The following KHDRBS2 variants were observed in gnomAD, a reference collection of about 807,000 sequenced individuals.
The protein encoded by KHDRBS2 is KH domain-containing, RNA-binding, signal transduction-associated protein 2.
Under a neutral mutation model 44.3 loss-of-function variants are expected in KHDRBS2, and 26 were observed. The ratio of observed to expected loss-of-function variants is 0.59; its 90% CI spans 0.43 to 0.81. The LOEUF is 0.81. KHDRBS2 is among the 40% of genes least tolerant of loss of function. The pLI is 0.00. For missense variants in KHDRBS2, 476 were observed against 433.1 expected, an observed-to-expected ratio of 1.10 and a Z score of -0.88; for synonymous variants, 194 against 151.1, an observed-to-expected ratio of 1.28 and a Z score of -2.08.
At chr6:61,881,777 G>A (rs1188602795) in intron 6 of KHDRBS2, among the ~76,000 whole-genome samples, 1 of 151,986 alleles carries the variant, frequency 6.6e-6, no homozygotes, top group East Asian at 1.9e-4. Flanking sequence ...AGTCAGTATG[G>A]CTAAGGCACC....
At chr6:61,704,450 G>C (rs1163785404) in intron 7 of KHDRBS2, among the ~76,000 whole-genome samples, 1 of 151,722 alleles carries the variant, frequency 6.6e-6, no homozygotes, top group Non-Finnish European at 1.5e-5. Flanking sequence ...TAGGGGGTCA[G>C]CACCAACCAA....
At chr6:61,719,491 A>G (rs1204187231) in intron 7 of KHDRBS2, among the ~76,000 whole-genome samples, 1 of 152,112 alleles carries the variant, frequency 6.6e-6, no homozygotes, top group Non-Finnish European at 1.5e-5. Context: ...TCAGAACATG[A>G]ACAGAATTTA....
At chr6:61,681,458 C>A (rs1766285959) in intron 8 of KHDRBS2, among the ~76,000 whole-genome samples, 1 of 151,806 alleles carries the variant, frequency 6.6e-6, no homozygotes, top group Non-Finnish European at 1.5e-5. Context: ...CTCTGTCCCC[C>A]AAATCTACTG....
At chr6:62,162,899 T>C (rs2150113253) in intron 2 of KHDRBS2, among the ~76,000 whole-genome samples, 1 of 152,118 alleles carries the variant, frequency 6.6e-6, no homozygotes, top group South Asian at 2.1e-4. Context: ...TGAGACAGTG[T>C]AGATGACAGG....
chr6:61,910,214 T>A (rs1374982274), intron 4 of KHDRBS2, among the ~76,000 whole-genome samples: 1 of 152,226 alleles, frequency 6.6e-6, no homozygotes, highest in Non-Finnish European at 1.5e-5. Flanking sequence ...TGGATGTTAT[T>A]TAGCAAAACA....
intron 2 of KHDRBS2, among the ~76,000 whole-genome samples, chr6:62,095,860 T>C (rs1329771729): frequency 6.6e-6 from 1 of 151,956 alleles, no homozygotes; most frequent in South Asian, 2.1e-4. Context: ...GGGTCTATTT[T>C]ATACAGAATT....
chr6:61,906,188 T>C (rs185031414), intron 4 of KHDRBS2, among the ~76,000 whole-genome samples: 1 of 152,156 alleles, frequency 6.6e-6, no homozygotes, highest in Admixed American at 6.6e-5. Context: ...ATAGCTGAAC[T>C]CTTAAATACT....
At chr6:62,138,986 C>T (rs1032756266) in intron 2 of KHDRBS2, among the ~76,000 whole-genome samples, 4 of 152,070 alleles carry the variant, frequency 2.6e-5, no homozygotes, top group African/African-American at 4.8e-5. Context: ...GTTTGCAATC[C>T]ACTTTTCCTT....
At chr6:61,956,212 AAAAC>A (rs1232307161) in intron 4 of KHDRBS2, among the ~76,000 whole-genome samples, 1 of 152,040 alleles carries the variant, frequency 6.6e-6, no homozygotes, top group Non-Finnish European at 1.5e-5. Context: ...CAAAAACAAA[AAAAC>A]AGACACTCTT....
chr6:62,057,732 C>T (rs911786562), intron 2 of KHDRBS2, among the ~76,000 whole-genome samples: 1 of 151,854 alleles, frequency 6.6e-6, no homozygotes, highest in Non-Finnish European at 1.5e-5. Flanking sequence ...TAAATATCTT[C>T]AAATAATTTC....
At chr6:61,645,173 G>C in the KHDRBS2 span, among the ~76,000 whole-genome samples, 2 of 152,090 alleles carry the variant, frequency 1.3e-5, no homozygotes, top group Non-Finnish European at 2.9e-5. Context: ...GAACATGGAT[G>C]GAACTGGAGG....
At chr6:61,555,381 T>C in the KHDRBS2 span, among the ~76,000 whole-genome samples, 1 of 152,228 alleles carries the variant, frequency 6.6e-6, no homozygotes, top group Non-Finnish European at 1.5e-5. Flanking sequence ...TTTCTGAAAA[T>C]GACCATTTCA....
downstream of KHDRBS2, among the ~76,000 whole-genome samples, chr6:61,675,500 G>T (rs1450380019): frequency 6.6e-6 from 1 of 151,396 alleles, no homozygotes; most frequent in Non-Finnish European, 1.5e-5. Context: ...TGCTTCAACG[G>T]TTATTAAGCT....
intron 6 of KHDRBS2, among the ~76,000 whole-genome samples, chr6:61,863,381 A>G (rs1438890106): frequency 6.7e-6 from 1 of 149,228 alleles, no homozygotes; most frequent in Non-Finnish European, 1.5e-5. Flanking sequence ...TTGTGATGTT[A>G]GATTATTAAC....
chr6:61,612,611 T>C, the KHDRBS2 span, among the ~76,000 whole-genome samples: 7 of 152,222 alleles, frequency 4.6e-5, no homozygotes, highest in Non-Finnish European at 8.8e-5. Flanking sequence ...TGGCATTATC[T>C]ATTATTTATT....
intron 1 of KHDRBS2, among the ~76,000 whole-genome samples, chr6:62,220,829 A>C (rs925734298): frequency 8.6e-5 from 13 of 151,984 alleles, no homozygotes; most frequent in African/African-American, 3.1e-4. Context: ...CAAGTATGTC[A>C]GTGACTATTT....
the KHDRBS2 span, among the ~76,000 whole-genome samples, chr6:61,583,087 C>T: frequency 6.6e-6 from 1 of 151,702 alleles, no homozygotes; most frequent in Non-Finnish European, 1.5e-5. Flanking sequence ...AAATAGGATG[C>T]ATATCAAGAA....
chr6:62,017,755 A>T (rs1404607269), intron 3 of KHDRBS2, among the ~76,000 whole-genome samples: 5 of 152,114 alleles, frequency 3.3e-5, no homozygotes, highest in African/African-American at 1.2e-4. Context: ...ATTTTGGATA[A>T]CAATTTAGAT....
the KHDRBS2 span, among the ~76,000 whole-genome samples, chr6:61,577,406 G>A: frequency 4.6e-5 from 7 of 152,106 alleles, no homozygotes; most frequent in African/African-American, 1.7e-4. Context: ...GAACATGAGG[G>A]AAAGGCCTAC....
Sources: allele counts gnomAD v4.1 joint callset (sites outside exome capture counted in the v4.1 genomes callset), GRCh38; gene constraint gnomAD v4.1.1; transcripts MANE v1.5; gene names NCBI Gene and HGNC (gene_info 2026-07-23, HGNC 2026-07-21).